PKP2: variants seen among roughly 807,000 people sequenced by gnomAD.
PKP2 encodes plakophilin-2.
A neutral mutation model predicts 83.4 loss-of-function variants in PKP2; 73 were observed. That is an observed-to-expected ratio of 0.88 (90% CI 0.72 to 1.06). The LOEUF is 1.06. PKP2 is among the 50% of genes least tolerant of loss of function. The pLI, the probability that PKP2 is intolerant of heterozygous loss-of-function variation, is 0.00. For synonymous variants in PKP2, 409 were observed against 430.4 expected, an observed-to-expected ratio of 0.95 and a Z score of 0.62; for missense variants, 966 against 1,065.4, an observed-to-expected ratio of 0.91 and a Z score of 1.30.
rs1017139336 is a variant in PKP2 at position 32,816,036 on chromosome 12, T to A, written c.2013+5320A>T. Among the ~76,000 whole-genome samples the A allele has an allele frequency of 3.3e-5, 5 of 152,310 alleles. No homozygotes were observed. In the East Asian group the frequency reaches 9.6e-4, roughly 29 times the overall value. On this transcript the variant is annotated intron_variant, in intron 9 of 12. Coordinates refer to ENST00000340811, the MANE Select transcript of PKP2 (RefSeq NM_001005242.3). Reference sequence around the variant, plus strand: ...ACACTTCTAATTCATATTGCCTTGATCATTAATGAGGTTGAAAAATGTTTT... The same window carrying A: ...ACACTTCTAATTCATATTGCCTTGAACATTAATGAGGTTGAAAAATGTTTT...
intron 9 of PKP2, among the ~76,000 whole-genome samples, chr12:32,815,542 C>T (rs1956312837): frequency 6.6e-6 from 1 of 152,064 alleles, no homozygotes; most frequent in African/African-American, 2.4e-5. Context: ...ATCAAGTTTC[C>T]CTGAAGATTT....
chr12:32,797,842 T>C (rs1474217548), intron 10 of PKP2, among the ~76,000 whole-genome samples: 1 of 151,668 alleles, frequency 6.6e-6, no homozygotes, highest in Non-Finnish European at 1.5e-5. Context: ...AAGCGTGAGC[T>C]ACCGCGCCTG....
chr12:32,880,128 C>T (rs768265231), intron 1 of PKP2, among the ~76,000 whole-genome samples: 118 of 151,196 alleles, frequency 7.8e-4, no homozygotes, highest in Non-Finnish European at 1.2e-3. Flanking sequence ...ATAGGCCGGG[C>T]GTGGTGGCTC....
intron 6 of PKP2, among the ~76,000 whole-genome samples, chr12:32,830,934 C>T (rs949637480): frequency 5.3e-5 from 8 of 151,542 alleles, no homozygotes; most frequent in African/African-American, 1.9e-4. Context: ...TTTAGCTCTG[C>T]TTTCCTGCAT....
chr12:32,801,979 C>T (rs1416738276), intron 10 of PKP2, among the ~76,000 whole-genome samples: 1 of 152,010 alleles, frequency 6.6e-6, no homozygotes, highest in African/African-American at 2.4e-5. Flanking sequence ...CTAAAGTAAA[C>T]CACCACTATA....
chr12:32,792,113 C>T lies in PKP2; in HGVS notation c.*311G>A. The T allele has an allele frequency of 2.5e-6, 1 of 403,362 alleles. No homozygotes were observed. The highest frequency in any genetic ancestry group is 2.4e-5 in the South Asian group (1 of 41,686). 25.0% of individuals were successfully genotyped at this position (403,362 alleles called of 1,614,324 possible). On this transcript the variant is annotated 3_prime_UTR_variant, in exon 13 of 13. Transcript: ENST00000340811. Reference sequence around the variant, plus strand: ...TCCCAGTAATGCAACAGCTTCTTTCCTTATTTATTGGATTAATGTCCCTTC... The same window carrying T: ...TCCCAGTAATGCAACAGCTTCTTTCTTTATTTATTGGATTAATGTCCCTTC...
At chr12:32,853,669 C>T (rs1956720813) in intron 4 of PKP2, among the ~76,000 whole-genome samples, 1 of 152,102 alleles carries the variant, frequency 6.6e-6, no homozygotes, top group Admixed American at 6.6e-5. Flanking sequence ...CCCTACCATG[C>T]CCAGCTAATT....
At chr12:32,844,010 C>T (rs1179387875) in intron 5 of PKP2, among the ~76,000 whole-genome samples, 1 of 152,132 alleles carries the variant, frequency 6.6e-6, no homozygotes, top group African/African-American at 2.4e-5. Context: ...ACACAGGACA[C>T]TCAAAGAAAA....
At chr12:32,894,755 T>C (rs1957106630) in intron 1 of PKP2, 1 of 152,180 alleles carries the variant, frequency 6.6e-6, no homozygotes, top group Non-Finnish European at 1.5e-5. Flanking sequence ...GGGAAGCTGA[T>C]TTGGTTTCAG....
intron 4 of PKP2, among the ~76,000 whole-genome samples, chr12:32,858,532 C>T (rs972204442): frequency 1.3e-5 from 2 of 151,870 alleles, no homozygotes; most frequent in Non-Finnish European, 2.9e-5. Flanking sequence ...ACTTTTGAAA[C>T]GGCAAAGTCT....
At position 32,841,223 on chromosome 12, in the gene PKP2, T is replaced by C. The variant is rs113698150; in HGVS notation, c.1379-18A>G. The C allele has an allele frequency of 3.3e-4, 534 of 1,608,872 alleles. 3 individuals carry two copies. The African/African-American group carries it at 6.5e-3, about 20-fold the overall frequency. On this transcript the variant is annotated intron_variant, in intron 5 of 12. Transcript: ENST00000340811. ...CAGCAAACCTAGAAAAGCACAGAGT[T>C]ACCATGAAAACAGTGCAGGGTGGGA...
chr12:32,893,621 G>A (rs1392067763), intron 1 of PKP2: 4 of 152,164 alleles, frequency 2.6e-5, no homozygotes, highest in Admixed American at 2.6e-4. Context: ...TGTGTAGGCT[G>A]CAGAGTGTAT....
chr12:32,878,894 T>C (rs1956960090), intron 2 of PKP2, 26 bp downstream of exon 2: 1 of 1,140,112 alleles, frequency 8.8e-7, no homozygotes, highest in Non-Finnish European at 1.3e-6. Flanking sequence ...ATCTGATCAC[T>C]AGGGTTACAT....
chr12:32,792,801 C>T (rs1956083209), intron 11 of PKP2, 70 bp from the exon 12 acceptor site: 5 of 1,192,010 alleles, frequency 4.2e-6, no homozygotes, highest in South Asian at 3.7e-5. Flanking sequence ...TGTGGGTGTT[C>T]TGTAAGACCT....
chr12:32,884,774 G>T, intron 1 of PKP2, among the ~76,000 whole-genome samples: 1 of 149,606 alleles, frequency 6.7e-6, no homozygotes. Context: ...ACACTGTGTT[G>T]TAGAGCAGTT....
At chr12:32,828,252 T>C (rs755104524) in intron 6 of PKP2, among the ~76,000 whole-genome samples, 10 of 152,214 alleles carry the variant, frequency 6.6e-5, no homozygotes, top group Admixed American at 1.3e-4. Context: ...AGCAAATCTG[T>C]GACTTTTCAC....
chr12:32,879,600 G>A (rs576688703), intron 1 of PKP2, among the ~76,000 whole-genome samples: 1 of 148,912 alleles, frequency 6.7e-6, no homozygotes, highest in Non-Finnish European at 1.5e-5. Flanking sequence ...AGGCAGAGGT[G>A]GGTGGATCAC....
chr12:32,847,802 T>TG (rs1187349858), intron 5 of PKP2, among the ~76,000 whole-genome samples: 1 of 152,020 alleles, frequency 6.6e-6, no homozygotes, highest in Non-Finnish European at 1.5e-5. Context: ...AACTAGTAGA[T>TG]GGAGAAACAA....
chr12:32,851,687 C>G lies in PKP2; in HGVS notation c.1171-714G>C, dbSNP rs1206341396. ...GTTTCACCATGTTAGCTGGGATGGT[C>G]TCGATCTCCTGACCTTGTGATCCAC... On this transcript the variant is annotated intron_variant, in intron 4 of 12. Coordinates refer to ENST00000340811, the MANE Select transcript of PKP2 (RefSeq NM_001005242.3). 1.3e-5 allele frequency among the ~76,000 whole-genome samples: 2 copies of G among 152,180 alleles called. 1 individual carries two copies. Among genetic ancestry groups the G allele is most frequent in the African/African-American group, 4.8e-5 (2 of 41,452 alleles).
Sources: gnomAD v4.1 joint callset for allele counts (sites outside exome capture counted in the v4.1 genomes callset) on GRCh38, gnomAD v4.1.1 for gene constraint, MANE v1.5 for transcripts, NCBI Gene and HGNC (gene_info 2026-07-23, HGNC 2026-07-21) for gene names.